Variants in CNTN5 observed in about 807,000 individuals in gnomAD.
CNTN5 encodes the protein contactin-5.
Under a neutral mutation model 129.1 loss-of-function variants are expected in CNTN5, and 77 were observed. The ratio of observed to expected loss-of-function variants is 0.60; its 90% confidence interval spans 0.50 to 0.72. The LOEUF is 0.72. Among genes scored for constraint, CNTN5 ranks in the 30% least tolerant of loss-of-function variants. The pLI is 0.00. For synonymous variants in CNTN5, 509 were observed against 465.6 expected, an observed-to-expected ratio of 1.09 and a Z score of -1.20; for missense variants, 1,478 against 1,328.8, an observed-to-expected ratio of 1.11 and a Z score of -1.75.
chr11:99,422,534 A>T (rs76447218), intron 2 of CNTN5, among the ~76,000 whole-genome samples: 3 of 94,254 alleles, frequency 3.2e-5, no homozygotes, highest in Admixed American at 2.5e-4. Flanking sequence ...ATATATATAT[A>T]TATATATATA....
At chr11:100,155,386 GT>G (rs1947204617) in intron 13 of CNTN5, among the ~76,000 whole-genome samples, 1 of 152,086 alleles carries the variant, frequency 6.6e-6, no homozygotes, top group Non-Finnish European at 1.5e-5. Flanking sequence ...CTATGTATCT[GT>G]TTTGGTACCA....
chr11:100,015,717 A>C (rs927818093), intron 9 of CNTN5, among the ~76,000 whole-genome samples: 4 of 152,122 alleles, frequency 2.6e-5, no homozygotes, highest in African/African-American at 7.2e-5. Context: ...AAACAATACA[A>C]ATATTTTACA....
intron 15 of CNTN5, among the ~76,000 whole-genome samples, chr11:100,204,963 A>G (rs1276954883): frequency 2.0e-5 from 3 of 152,026 alleles, no homozygotes; most frequent in African/African-American, 7.2e-5. Flanking sequence ...CCTTGTAGGA[A>G]TAATATATGA....
intron 4 of CNTN5, among the ~76,000 whole-genome samples, chr11:99,820,780 A>G (rs923764467): frequency 5.3e-5 from 8 of 152,258 alleles, no homozygotes; most frequent in African/African-American, 1.9e-4. Flanking sequence ...ATTCACATCA[A>G]CAATGATTTT....
chr11:99,708,941 G>C (rs184607745), intron 3 of CNTN5, among the ~76,000 whole-genome samples: 3 of 151,930 alleles, frequency 2.0e-5, no homozygotes, highest in African/African-American at 7.2e-5. Context: ...GATTTGATAA[G>C]AATCTCCTCA....
chr11:100,286,768 T>A (rs10894709), intron 18 of CNTN5, among the ~76,000 whole-genome samples: 1 of 140,298 alleles, frequency 7.1e-6, no homozygotes, highest in African/African-American at 2.7e-5. Context: ...ATGACTTTGA[T>A]GAGCTGAGAG....
intron 9 of CNTN5, among the ~76,000 whole-genome samples, chr11:100,034,299 T>C (rs998910204): frequency 6.6e-6 from 1 of 152,234 alleles, no homozygotes; most frequent in African/African-American, 2.4e-5. Flanking sequence ...GTCCAATTAA[T>C]ACTCTCCATT....
intron 7 of CNTN5, among the ~76,000 whole-genome samples, chr11:99,939,588 C>T (rs765800274): frequency 1.2e-4 from 18 of 151,762 alleles, no homozygotes; most frequent in Middle Eastern, 3.2e-3. Flanking sequence ...CTAATAGTGT[C>T]CATGTGCCAC....
chr11:99,630,838 TA>T (rs1951321146), intron 3 of CNTN5, among the ~76,000 whole-genome samples: 1 of 152,136 alleles, frequency 6.6e-6, no homozygotes, highest in South Asian at 2.1e-4. Context: ...GACCATTTGC[TA>T]AAAAGCAATT....
At chr11:99,079,694 T>C (rs1377610316) in intron 1 of CNTN5, among the ~76,000 whole-genome samples, 1 of 152,172 alleles carries the variant, frequency 6.6e-6, no homozygotes, top group Non-Finnish European at 1.5e-5. Context: ...CCAAAACAAA[T>C]TAACTTTAGG....
At chr11:99,118,796 C>T (rs1004481872) in intron 1 of CNTN5, among the ~76,000 whole-genome samples, 2 of 151,560 alleles carry the variant, frequency 1.3e-5, no homozygotes, top group African/African-American at 4.8e-5. Context: ...GGCATGTAAC[C>T]TAAATTTCCA....
Position 100,356,581 on chromosome 11 carries a change from C to A in CNTN5, c.*361C>A. 5.1e-6 allele frequency: 1 copy of A among 196,744 alleles called. No homozygotes were observed. Among genetic ancestry groups the A allele is most frequent in the Non-Finnish European group, 1.0e-5 (1 of 96,806 alleles). 12.2% of individuals were successfully genotyped at this position (196,744 alleles called of 1,614,324 possible). On this transcript the variant is annotated 3_prime_UTR_variant, in exon 25 of 25. Transcript: ENST00000524871. ...TGCCATCCATTTGTTAAGTAACTGG[C>A]CTTTAGCAGATCTGTTTCAAAAACA...
At chr11:99,356,191 C>T (rs942927108) in intron 2 of CNTN5, among the ~76,000 whole-genome samples, 1 of 151,892 alleles carries the variant, frequency 6.6e-6, no homozygotes, top group Non-Finnish European at 1.5e-5. Flanking sequence ...CTTAACCACC[C>T]CCCCCCAACC....
At chr11:99,875,937 A>G (rs2135833177) in intron 6 of CNTN5, among the ~76,000 whole-genome samples, 1 of 152,236 alleles carries the variant, frequency 6.6e-6, no homozygotes, top group South Asian at 2.1e-4. Context: ...AGTTCAACAG[A>G]TTTTTATATG....
At chr11:99,375,999 AT>A (rs1940156322) in intron 2 of CNTN5, among the ~76,000 whole-genome samples, 1 of 152,240 alleles carries the variant, frequency 6.6e-6, no homozygotes, top group South Asian at 2.1e-4. Context: ...TTGGAAAAAA[AT>A]AACAATGACC....
chr11:99,424,042 A>G (rs1416199682), intron 2 of CNTN5, among the ~76,000 whole-genome samples: 1 of 152,214 alleles, frequency 6.6e-6, no homozygotes, highest in African/African-American at 2.4e-5. Flanking sequence ...CACTGTGGAC[A>G]CAGTAAGTAC....
chr11:99,034,003 C>T (rs1474306001), intron 1 of CNTN5, among the ~76,000 whole-genome samples: 1 of 151,990 alleles, frequency 6.6e-6, no homozygotes, highest in African/African-American at 2.4e-5. Flanking sequence ...TGTCAAAGGC[C>T]TTTTCTGCAT....
intron 1 of CNTN5, among the ~76,000 whole-genome samples, chr11:99,210,171 A>G (rs1006053469): frequency 6.6e-6 from 1 of 152,142 alleles, no homozygotes; most frequent in Non-Finnish European, 1.5e-5. Context: ...GCAACCAGAT[A>G]TCATTCTGGA....
intron 13 of CNTN5, among the ~76,000 whole-genome samples, chr11:100,121,260 A>G (rs1946012062): frequency 6.6e-6 from 1 of 152,112 alleles, no homozygotes; most frequent in African/African-American, 2.4e-5. Context: ...GGACTTGAAG[A>G]ACATAAAATG....
Sources: gnomAD v4.1 joint callset for allele counts (sites outside exome capture counted in the v4.1 genomes callset) on GRCh38, gnomAD v4.1.1 for gene constraint, MANE v1.5 for transcripts, NCBI Gene and HGNC (gene_info 2026-07-23, HGNC 2026-07-21) for gene names.